Variants in FCER2 observed in about 807,000 individuals in gnomAD.
The protein encoded by FCER2 is Fc epsilon receptor II.
Under a neutral mutation model 49.7 loss-of-function variants are expected in FCER2, and 38 were observed. That is an observed-to-expected ratio of 0.76 (90% confidence interval 0.59 to 1.00). The LOEUF (loss-of-function observed/expected upper bound fraction) is 1.00, where lower values mean the gene tolerates loss of function less well. FCER2 is among the 50% of genes least tolerant of loss of function. The probability of loss-of-function intolerance (pLI) is 0.00; values close to 1 mark genes in which losing one functional copy is unlikely to be tolerated. For synonymous variants in FCER2, 163 were observed against 164.6 expected (o/e 0.99, Z 0.07); for missense variants, 425 against 419.5 (o/e 1.01, Z -0.11).
chr19:7,693,454 G>A (rs1016836962), intron 8 of FCER2, among the ~76,000 whole-genome samples: 2 of 150,532 alleles, frequency 1.3e-5, no homozygotes, highest in African/African-American at 4.9e-5. Flanking sequence ...AATCTTTCTT[G>A]CTTCAAAATA....
intron 10 of FCER2, 128 bp from the exon 11 acceptor site, chr19:7,689,558 G>C (rs1198468802): frequency 1.1e-4 from 70 of 615,566 alleles, no homozygotes; most frequent in South Asian, 1.1e-3. Flanking sequence ...CTGGGGACCG[G>C]TACCTCATTT....
chr19:7,700,328 G>A lies in FCER2; in HGVS notation c.-85-483C>T, dbSNP rs570313938. Among the ~76,000 whole-genome samples, 4 of 152,240 alleles carry A rather than the reference G, an allele frequency of 2.6e-5. No homozygotes were observed. In the East Asian group the frequency reaches 5.8e-4, roughly 22 times the overall value. On this transcript the variant is annotated intron_variant, in intron 1 of 10. Coordinates refer to ENST00000597921, the MANE Select transcript of FCER2 (RefSeq NM_001220500.2). ...ATGAGGCCAAGATAGGATCCAATGA[G>A]ATCACAGCATACCTGAGGTTTTTGG...
intron 3 of FCER2, 87 bp downstream of exon 3, chr19:7,698,654 C>A: frequency 7.1e-6 from 11 of 1,538,724 alleles, no homozygotes; most frequent in Middle Eastern, 2.2e-4. Context: ...GCGTTGGGCT[C>A]CCCCAGCTCT....
intron 4 of FCER2, 89 bp downstream of exon 4, chr19:7,698,267 G>A (rs1029131624): frequency 6.3e-6 from 6 of 945,396 alleles, no homozygotes; most frequent in African/African-American, 3.3e-5. Flanking sequence ...GTTCCTTAGC[G>A]AGGGGACACT....
chr19:7,697,739 A>T (rs2033055874), intron 4 of FCER2, 150 bp from the exon 5 acceptor site: 13 of 663,684 alleles, frequency 2.0e-5, no homozygotes, highest in Non-Finnish European at 3.2e-5. Context: ...GAGTGTACTC[A>T]GGAAGGTATA....
chr19:7,696,906 C>G lies in FCER2; in HGVS notation c.388G>C (p.Glu130Gln). ...AGCAAATCTGAAGCTTCGTTCCTCTCGTTCAATTCTTGGGGAGTCAACAAG... is the reference window on the plus strand; with the variant it reads ...AGCAAATCTGAAGCTTCGTTCCTCTGGTTCAATTCTTGGGGAGTCAACAAG... Reference protein sequence around the residue: ...LSSFKSQELNERNEASDLLER... With the variant: ...LSSFKSQELNQRNEASDLLER... The change falls in exon 8 of 11, where the codon GAG becomes CAG. Residue 130 changes from glutamate to glutamine, a missense_variant. Transcript: ENST00000597921. 4 of 1,582,172 alleles carry G rather than the reference C, an allele frequency of 2.5e-6. No individual in the cohort carries two copies. The highest frequency in any genetic ancestry group is 2.3e-5 in the East Asian group (1 of 43,746).
At chr19:7,696,769 C>T (rs762472502) in intron 8 of FCER2, 56 bp downstream of exon 8, 16 of 1,352,724 alleles carry the variant, frequency 1.2e-5, no homozygotes, top group African/African-American at 1.4e-5. Flanking sequence ...TTTGCCAACA[C>T]GCCCGAGCCC....
chr19:7,699,476 C>G, intron 2 of FCER2: 1 of 1,305,370 alleles, frequency 7.7e-7, no homozygotes. Context: ...TAGCTGAAGC[C>G]GTTTTTTTTT....
chr19:7,699,477 G>T (rs963742019), intron 2 of FCER2: 2 of 1,261,410 alleles, frequency 1.6e-6, no homozygotes, highest in Non-Finnish European at 2.0e-6. Flanking sequence ...AGCTGAAGCC[G>T]TTTTTTTTTT....
intron 1 of FCER2, among the ~76,000 whole-genome samples, chr19:7,701,541 T>C (rs1568492467): frequency 6.6e-6 from 1 of 151,850 alleles, no homozygotes; most frequent in Non-Finnish European, 1.5e-5. Context: ...TCCAAGAGGG[T>C]AAGTCATTTG....
intron 3 of FCER2, 155 bp from the exon 4 acceptor site, chr19:7,698,564 G>T: frequency 1.1e-6 from 1 of 876,164 alleles, no homozygotes; most frequent in Non-Finnish European, 1.8e-6. Flanking sequence ...GGGGTGAGGG[G>T]CTCTGGAGGG....
At chr19:7,697,654 T>C in intron 4 of FCER2, 65 bp from the exon 5 acceptor site, 5 of 1,349,914 alleles carry the variant, frequency 3.7e-6, no homozygotes, top group Non-Finnish European at 5.3e-6. Flanking sequence ...ACCCCGCCTA[T>C]GCCCCAGGCT....
Position 7,696,853 on chromosome 19 carries a change from C to A in FCER2, c.441G>T (p.Lys147Asn), listed in dbSNP as rs1375537050. 6.3e-7 allele frequency: 1 copy of A among 1,585,316 alleles called. No individual in the cohort carries two copies. The highest frequency in any genetic ancestry group is 8.6e-7 in the Non-Finnish European group (1 of 1,164,812). Residue 147 changes from lysine to asparagine, a missense_variant, in exon 8 of 11, where the codon AAG becomes AAT. Coordinates refer to ENST00000597921, the MANE Select transcript of FCER2 (RefSeq NM_001220500.2). ...TGGACACCTGCAACTCCATCCTTAG[C>A]TTTGTCACCTCCTCCCGGAGTCTTT... ...LLERLREEVT[K>N]LRMELQVSSG...
rs961384969 is a variant in FCER2 at position 7,697,247 on chromosome 19, A to G, written c.305T>C (p.Leu102Ser). 8.7e-6 allele frequency: 14 copies of G among 1,614,042 alleles called. No individual in the cohort carries two copies. The highest frequency in any genetic ancestry group is 1.1e-5 in the Non-Finnish European group (13 of 1,179,980). The change falls in exon 6 of 11, where the codon TTG (leucine) becomes TCG (serine). Residue 102 changes from leucine (L) to serine (S), a missense_variant. By Grantham distance (145) the Leu-to-Ser change is moderately radical. Transcript: ENST00000597921. ...LEELRAEQQR[L>S]KSQDLELSWN... ...TCCCAGTCTCTCACCCTGAGATTTC[A>G]ATCTCTGCTGTTCAGCTCGAAGTTC...
At chr19:7,693,922 TACAG>T (rs2032948429) in intron 8 of FCER2, among the ~76,000 whole-genome samples, 1 of 151,910 alleles carries the variant, frequency 6.6e-6, no homozygotes, top group South Asian at 2.1e-4. Context: ...GTGCTGGGAT[TACAG>T]GCATGAGCCA....
intron 1 of FCER2, among the ~76,000 whole-genome samples, 153 bp downstream of exon 1, chr19:7,701,862 C>T (rs904907812): frequency 1.4e-5 from 2 of 138,782 alleles, no homozygotes; most frequent in Non-Finnish European, 1.6e-5. Flanking sequence ...CACACTGCGG[C>T]CCCCACCCCC....
chr19:7,697,469 A>C, intron 5 of FCER2, 58 bp downstream of exon 5: 2 of 1,509,020 alleles, frequency 1.3e-6, no homozygotes, highest in Non-Finnish European at 9.2e-7. Context: ...GGGTCCAGGA[A>C]GTCATCCAAG....
At chr19:7,690,643 G>C (rs2032842609) in intron 8 of FCER2, 86 bp from the exon 9 acceptor site, 1 of 1,382,124 alleles carries the variant, frequency 7.2e-7, no homozygotes, top group Non-Finnish European at 9.9e-7. Context: ...CCCCTCCTAG[G>C]GCCACTCCTG....
intron 8 of FCER2, among the ~76,000 whole-genome samples, chr19:7,694,777 G>A (rs1036590543): frequency 1.3e-5 from 2 of 152,226 alleles, no homozygotes; most frequent in Admixed American, 6.5e-5. Flanking sequence ...AAAATCAAGG[G>A]TGGGGGCATT....
Sources: allele counts gnomAD v4.1 joint callset (sites outside exome capture counted in the v4.1 genomes callset), GRCh38; gene constraint gnomAD v4.1.1; transcripts MANE v1.5; gene names NCBI Gene and HGNC (gene_info 2026-07-23, HGNC 2026-07-21).